URB1: variants seen among roughly 807,000 people sequenced by gnomAD.
URB1 encodes nucleolar pre-ribosomal-associated protein 1.
Under a neutral mutation model 242.3 loss-of-function variants are expected in URB1, and 197 were observed. The observed-to-expected ratio is 0.81, with a 90% CI of 0.72 to 0.91. The LOEUF (loss-of-function observed/expected upper bound fraction) is 0.91, where lower values mean the gene tolerates loss of function less well. Among genes scored for constraint, URB1 ranks in the 40% least tolerant of loss-of-function variants. The pLI is 0.00. For missense variants in URB1, 2,721 were observed against 2,860.5 expected (o/e 0.95, Z 1.11); for synonymous variants, 1,153 against 1,201.8 (o/e 0.96, Z 0.84).
intron 15 of URB1, among the ~76,000 whole-genome samples, chr21:32,356,029 A>C (rs2033216316): frequency 6.6e-6 from 1 of 152,226 alleles, no homozygotes; most frequent in Non-Finnish European, 1.5e-5. Context: ...TTAGTCTTTC[A>C]ACATAACATC....
Position 32,312,001 on chromosome 21 carries a change from A to G in URB1, c.*2917T>C, listed in dbSNP as rs1423229694. The G allele has an allele frequency of 6.2e-7, 1 of 1,613,114 alleles. No individual in the cohort carries two copies. The highest frequency in any genetic ancestry group is 2.2e-5 in the East Asian group (1 of 44,880). On this transcript the variant is annotated 3_prime_UTR_variant, in exon 39 of 39. Coordinates refer to ENST00000382751, the MANE Select transcript of URB1 (RefSeq NM_014825.3). ...ACCTCTCAATTGCAGAGCTGATGTCAGTAAATCGTGGCCATAGCTGAGTGA... is the reference window on the plus strand; with the variant it reads ...ACCTCTCAATTGCAGAGCTGATGTCGGTAAATCGTGGCCATAGCTGAGTGA...
intron 25 of URB1, among the ~76,000 whole-genome samples, chr21:32,339,942 T>A (rs1177284172): frequency 1.3e-5 from 2 of 152,216 alleles, no homozygotes; most frequent in Non-Finnish European, 2.9e-5. Context: ...CTCACTCTCC[T>A]CTACTCAGAA....
rs1299862751 is a variant in URB1, at chr21:32,366,598, G to C, written c.1335+20C>G. On this transcript the variant is annotated intron_variant, in intron 10 of 38. Transcript: ENST00000382751. ...TTAGCTGGAGGCAGTTCCAGAAGTGGGGCAACCACATGGCCTTACGTTTAA... is the reference window on the plus strand; with the variant it reads ...TTAGCTGGAGGCAGTTCCAGAAGTGCGGCAACCACATGGCCTTACGTTTAA... 4 of 1,550,504 alleles carry C rather than the reference G, an allele frequency of 2.6e-6. No homozygotes were observed. Among genetic ancestry groups the C allele is most frequent in the Non-Finnish European group, 3.5e-6 (4 of 1,146,444 alleles).
At chr21:32,360,041 G>C (rs2123596691) in intron 13 of URB1, 133 bp from the exon 14 acceptor site, 1 of 791,822 alleles carries the variant, frequency 1.3e-6, no homozygotes, top group Non-Finnish European at 2.0e-6. Flanking sequence ...CTGTTTCTCT[G>C]TCCTGTGCTC....
chr21:32,380,296 A>G (rs2033509037), intron 4 of URB1, among the ~76,000 whole-genome samples: 1 of 152,186 alleles, frequency 6.6e-6, no homozygotes, highest in African/African-American at 2.4e-5. Context: ...CACACTCATT[A>G]CATTTATTGA....
intron 31 of URB1, among the ~76,000 whole-genome samples, chr21:32,324,806 T>C (rs1459055594): frequency 6.6e-6 from 1 of 152,144 alleles, no homozygotes; most frequent in Non-Finnish European, 1.5e-5. Context: ...TAGGAGTCAG[T>C]CAGGTGCACA....
Position 32,315,103 on chromosome 21 carries a change from A to C in URB1, c.6635-4T>G. ...GACACTAGGAATGCTGCGGAGGCTG[A>C]ACAAGAGCAGGGGATAGGCCATTAG... On this transcript the variant is annotated splice_polypyrimidine_tract_variant and splice_region_variant and intron_variant, in intron 38 of 38. Coordinates refer to ENST00000382751, the MANE Select transcript of URB1 (RefSeq NM_014825.3). 1 of 1,516,620 alleles carries C rather than the reference A, an allele frequency of 6.6e-7. No homozygotes were observed. The highest frequency in any genetic ancestry group is 8.9e-7 in the Non-Finnish European group (1 of 1,124,436). The allele number at this position is 1,516,620 out of a possible 1,614,324, so 93.9% of individuals were successfully genotyped here. A position where few individuals can be genotyped will look rare whatever the true frequency, so the allele number is the denominator to read the frequency against.
At chr21:32,327,465 A>G (rs901132080) in intron 30 of URB1, among the ~76,000 whole-genome samples, 3 of 152,186 alleles carry the variant, frequency 2.0e-5, no homozygotes, top group African/African-American at 7.2e-5. Flanking sequence ...AAAAGTTAAG[A>G]CTTTTTTCAG....
chr21:32,350,339 G>A (rs1240513377), intron 20 of URB1, among the ~76,000 whole-genome samples: 1 of 152,192 alleles, frequency 6.6e-6, no homozygotes, highest in Non-Finnish European at 1.5e-5. Flanking sequence ...AAGGCTGAGA[G>A]GTTGGAGGGT....
chr21:32,361,204 A>AAAGAAAGAAAGAAAGG (rs1324783799), intron 12 of URB1, 81 bp from the exon 13 acceptor site: 2 of 987,082 alleles, frequency 2.0e-6, no homozygotes, highest in African/African-American at 3.3e-5. Context: ...AGAAAGAAAG[A>AAAGAAAGAAAGAAAGG]AAATAGCTTG....
chr21:32,383,312 C>T, intron 4 of URB1, 110 bp downstream of exon 4: 1 of 1,330,720 alleles, frequency 7.5e-7, no homozygotes, highest in Admixed American at 2.8e-5. Flanking sequence ...ACATAGACAC[C>T]TCTCATTTCA....
intron 24 of URB1, among the ~76,000 whole-genome samples, chr21:32,341,841 G>GC (rs2033033948): frequency 6.6e-6 from 1 of 152,100 alleles, no homozygotes; most frequent in Non-Finnish European, 1.5e-5. Flanking sequence ...CACAATTCTT[G>GC]ACAAGCATGT....
intron 1 of URB1, among the ~76,000 whole-genome samples, chr21:32,391,485 C>T (rs1438315668): frequency 6.6e-6 from 1 of 152,116 alleles, no homozygotes; most frequent in Non-Finnish European, 1.5e-5. Flanking sequence ...TTGGAAAACT[C>T]GTGCTTGAAA....
chr21:32,337,569 CCAG>C, intron 26 of URB1, 55 bp from the exon 27 acceptor site: 2 of 1,443,154 alleles, frequency 1.4e-6, no homozygotes, highest in African/African-American at 2.8e-5. Context: ...ACACTGAATA[CCAG>C]AAGAGGAGAG....
chr21:32,314,339 C>A lies in URB1; in HGVS notation c.*579G>T. 2 of 474,542 alleles carry A rather than the reference C, an allele frequency of 4.2e-6. No individual in the cohort carries two copies. Among genetic ancestry groups the A allele is most frequent in the African/African-American group, 2.0e-5 (1 of 50,842 alleles). 29.4% of individuals were successfully genotyped at this position (474,542 alleles called of 1,614,324 possible). A position where few individuals can be genotyped will look rare whatever the true frequency, so the allele number is the denominator to read the frequency against. On this transcript the variant is annotated 3_prime_UTR_variant, in exon 39 of 39. Coordinates refer to ENST00000382751, the MANE Select transcript of URB1 (RefSeq NM_014825.3). ...AGCTGGAATTACAGGTGTGCGCTAC[C>A]ATGCCTGGCTAATTTTTGTATTTTT...
intron 8 of URB1, among the ~76,000 whole-genome samples, chr21:32,369,304 A>C (rs1459428016): frequency 6.6e-6 from 1 of 152,182 alleles, no homozygotes; most frequent in Non-Finnish European, 1.5e-5. Flanking sequence ...TGGAGGTTGC[A>C]GTGAGCTGAG....
intron 24 of URB1, 150 bp from the exon 25 acceptor site, chr21:32,341,674 G>A (rs1176267995): frequency 9.0e-6 from 6 of 667,150 alleles, no homozygotes; most frequent in African/African-American, 1.8e-5. Context: ...TTGAAAAGAG[G>A]AGCGCTGGTG....
In URB1 at chr21:32,349,493, C is replaced by T. The variant is rs1337847099; in HGVS notation, c.2833-10G>A. ...CCACACTTCTGCCCAGCTGTGAGGACAAGAGCACGAGCCTCAGCAGGGAAG... is the reference window on the plus strand; with the variant it reads ...CCACACTTCTGCCCAGCTGTGAGGATAAGAGCACGAGCCTCAGCAGGGAAG... On this transcript the variant is annotated splice_polypyrimidine_tract_variant and intron_variant, in intron 20 of 38. Coordinates refer to ENST00000382751, the MANE Select transcript of URB1 (RefSeq NM_014825.3). 1.3e-6 allele frequency: 2 copies of T among 1,537,776 alleles called. No homozygotes were observed. The highest frequency in any genetic ancestry group is 1.8e-6 in the Non-Finnish European group (2 of 1,141,390).
In URB1 at chr21:32,312,309, T is replaced by C. The variant is rs2032602178; in HGVS notation, c.*2609A>G. On this transcript the variant is annotated 3_prime_UTR_variant, in exon 39 of 39. Transcript: ENST00000382751. Reference sequence around the variant, plus strand: ...AGGAAAAGCTGTTTGCTTACTAATCTTTACTATGCCACTTTACCATTACTG... The same window carrying C: ...AGGAAAAGCTGTTTGCTTACTAATCCTTACTATGCCACTTTACCATTACTG... 1 of 1,304,574 alleles carries C rather than the reference T, an allele frequency of 7.7e-7. No homozygotes were observed. Among genetic ancestry groups the C allele is most frequent in the East Asian group, 3.6e-5 (1 of 27,530 alleles). The allele number at this position is 1,304,574 out of a possible 1,614,324, so 80.8% of individuals were successfully genotyped here. A position where few individuals can be genotyped will look rare whatever the true frequency, so the allele number is the denominator to read the frequency against.
Sources: gnomAD v4.1 joint callset for allele counts (sites outside exome capture counted in the v4.1 genomes callset) on GRCh38, gnomAD v4.1.1 for gene constraint, MANE v1.5 for transcripts, NCBI Gene and HGNC (gene_info 2026-07-23, HGNC 2026-07-21) for gene names.